The following NSUN6 variants were observed in gnomAD, a reference collection of about 807,000 sequenced individuals.
The protein encoded by NSUN6 is NOP2/Sun RNA methyltransferase 6, also known as tRNA (cytosine(72)-C(5))-methyltransferase NSUN6.
NSUN6 carries 64 observed loss-of-function variants against 58.0 expected under a neutral mutation model. That is an observed-to-expected ratio of 1.10 (90% confidence interval 0.90 to 1.36). The LOEUF (loss-of-function observed/expected upper bound fraction) is 1.36, where lower values mean the gene tolerates loss of function less well. Among genes scored for constraint, NSUN6 ranks in the 40% most tolerant of loss-of-function variants. NSUN6 has a pLI of 0.00. For synonymous variants in NSUN6, 231 were observed against 193.9 expected, an observed-to-expected ratio of 1.19 and a Z score of -1.59; for missense variants, 701 against 550.1, an observed-to-expected ratio of 1.27 and a Z score of -2.74.
chr10:18,565,890 C>G (rs1038121691), intron 8 of NSUN6, among the ~76,000 whole-genome samples: 1 of 149,874 alleles, frequency 6.7e-6, no homozygotes, highest in Non-Finnish European at 1.5e-5. Context: ...CCATTCCATT[C>G]TCCATTCCAT....
intron 9 of NSUN6, among the ~76,000 whole-genome samples, chr10:18,551,135 T>G (rs190367168): frequency 2.0e-5 from 3 of 152,112 alleles, no homozygotes; most frequent in Non-Finnish European, 4.4e-5. Flanking sequence ...TAGAGAATAT[T>G]TGAAATTTAT....
chr10:18,556,668 AGAATGGG>A (rs1355176887), intron 8 of NSUN6, among the ~76,000 whole-genome samples: 3 of 149,808 alleles, frequency 2.0e-5, no homozygotes, highest in African/African-American at 7.3e-5. Flanking sequence ...GGAATGGAAT[AGAATGGG>A]GAATTGAAAT....
In NSUN6 at chr10:18,647,737, T is replaced by G. The variant is rs905435970; in HGVS notation, c.231+753A>C. 7.1e-5 allele frequency among the ~76,000 whole-genome samples: 10 copies of G among 141,752 alleles called. 1 individual carries two copies. The highest frequency in any genetic ancestry group is 2.8e-4 in the Admixed American group (4 of 14,134). 93.0% of individuals were successfully genotyped at this position (141,752 alleles called of 152,430 possible). On this transcript the variant is annotated intron_variant, in intron 2 of 10. Coordinates refer to ENST00000377304, the MANE Select transcript of NSUN6 (RefSeq NM_182543.5). ...CGCTCAACACCTTGTTTTTTTTTTT[T>G]TTTTTTTTTTTTTTTGAGACAGAGT...
intron 2 of NSUN6, among the ~76,000 whole-genome samples, chr10:18,647,777 C>G (rs1007899987): frequency 2.1e-5 from 3 of 143,010 alleles, no homozygotes; most frequent in African/African-American, 7.8e-5. Context: ...TTCCATCGCC[C>G]AGGCTGGAGT....
chr10:18,612,045 C>A (rs755860296), intron 5 of NSUN6, among the ~76,000 whole-genome samples: 3 of 152,156 alleles, frequency 2.0e-5, no homozygotes, highest in Non-Finnish European at 4.4e-5. Flanking sequence ...ACCACTGTAT[C>A]CACTTCCAAG....
At chr10:18,576,801 T>C (rs1261730480) in intron 8 of NSUN6, among the ~76,000 whole-genome samples, 2 of 152,200 alleles carry the variant, frequency 1.3e-5, no homozygotes, top group Non-Finnish European at 2.9e-5. Context: ...GGTAGACCTT[T>C]ACTGGATACT....
chr10:18,588,811 A>T (rs1217401438), intron 7 of NSUN6, among the ~76,000 whole-genome samples: 1 of 152,236 alleles, frequency 6.6e-6, no homozygotes, highest in Non-Finnish European at 1.5e-5. Flanking sequence ...AAGATGAGGA[A>T]ATAACAGCAC....
chr10:18,551,486 ATTC>A (rs1223623037), intron 9 of NSUN6, among the ~76,000 whole-genome samples: 3 of 152,086 alleles, frequency 2.0e-5, no homozygotes, highest in Non-Finnish European at 2.9e-5. Context: ...GGTAGTATCT[ATTC>A]TTCTTCCTGT....
chr10:18,558,068 A>G (rs2055180679), intron 8 of NSUN6, among the ~76,000 whole-genome samples: 1 of 149,948 alleles, frequency 6.7e-6, no homozygotes, highest in Non-Finnish European at 1.5e-5. Flanking sequence ...AGAATGGAAT[A>G]GAGAATGGAA....
intron 5 of NSUN6, 42 bp from the exon 6 acceptor site, chr10:18,609,968 T>G: frequency 8.7e-7 from 1 of 1,144,684 alleles, no homozygotes; most frequent in Admixed American, 1.7e-5. Flanking sequence ...ATAAATTCCA[T>G]GGTCTATACA....
chr10:18,577,320 G>C (rs1186389273), intron 8 of NSUN6, among the ~76,000 whole-genome samples: 2 of 152,198 alleles, frequency 1.3e-5, no homozygotes, highest in East Asian at 3.9e-4. Context: ...TCTGTCTAAT[G>C]AGTTAGCCAA....
intron 6 of NSUN6, among the ~76,000 whole-genome samples, chr10:18,603,473 C>CTTTTTTTTTTTTTTTTTTTTTTTT (rs1245707205): frequency 6.8e-6 from 1 of 147,508 alleles, no homozygotes; most frequent in African/African-American, 2.5e-5. Flanking sequence ...CTTTTCTTTT[C>CTTTTTTTTTTTTTTTTTTTTTTTT]TTTTCTTTTT....
intron 8 of NSUN6, among the ~76,000 whole-genome samples, chr10:18,558,225 A>C (rs1405153200): frequency 6.6e-6 from 1 of 150,820 alleles, no homozygotes; most frequent in Non-Finnish European, 1.5e-5. Flanking sequence ...GGGGAATGTA[A>C]TGGAATGGGG....
chr10:18,593,407 CAT>C (rs1564772880), intron 7 of NSUN6, among the ~76,000 whole-genome samples: 1 of 152,150 alleles, frequency 6.6e-6, no homozygotes, highest in Non-Finnish European at 1.5e-5. Context: ...CATATGCACA[CAT>C]ATGTTTACTG....
chr10:18,579,203 C>T (rs967150888), intron 8 of NSUN6, among the ~76,000 whole-genome samples: 4 of 152,042 alleles, frequency 2.6e-5, no homozygotes, highest in South Asian at 2.1e-4. Context: ...GACGGAGTCT[C>T]GCTCTGTCAC....
chr10:18,651,746 C>G (rs983505138), upstream of NSUN6: 1 of 985,490 alleles, frequency 1.0e-6, no homozygotes, highest in Non-Finnish European at 1.2e-6. Flanking sequence ...CCGGAGGTTC[C>G]TAACCCTGCG....
At chr10:18,548,011 T>C in intron 10 of NSUN6, 101 bp downstream of exon 10, 4 of 1,131,748 alleles carry the variant, frequency 3.5e-6, no homozygotes, top group Non-Finnish European at 3.8e-6. Context: ...AGTGTTCACT[T>C]TGGAAGTTTT....
intron 3 of NSUN6, among the ~76,000 whole-genome samples, chr10:18,631,053 C>A (rs1334266778): frequency 2.0e-5 from 3 of 152,038 alleles, no homozygotes; most frequent in South Asian, 2.1e-4. Context: ...AGCTTATCCA[C>A]CATGATCAAG....
intron 3 of NSUN6, among the ~76,000 whole-genome samples, chr10:18,632,948 C>T (rs570451785): frequency 3.4e-4 from 51 of 152,230 alleles, no homozygotes; most frequent in Admixed American, 6.5e-4. Flanking sequence ...TATAAAGACA[C>T]GTGCACCCGT....
Sources: gnomAD v4.1 joint callset for allele counts (sites outside exome capture counted in the v4.1 genomes callset) on GRCh38, gnomAD v4.1.1 for gene constraint, MANE v1.5 for transcripts, NCBI Gene and HGNC (gene_info 2026-07-23, HGNC 2026-07-21) for gene names.